Variants in NAV3 observed in about 807,000 individuals in gnomAD.
The protein encoded by NAV3 is neuron navigator 3.
Under a neutral mutation model 244.7 loss-of-function variants are expected in NAV3, and 87 were observed. The ratio of observed to expected loss-of-function variants is 0.36; its 90% confidence interval spans 0.30 to 0.42. The LOEUF (loss-of-function observed/expected upper bound fraction) is 0.42. Ranked by LOEUF, NAV3 falls within the 20% of genes least tolerant of loss-of-function variation. The pLI is 1.00. For missense variants in NAV3, 2,663 were observed against 2,893.3 expected (o/e 0.92, Z 1.83); for synonymous variants, 1,126 against 1,042.2 (o/e 1.08, Z -1.55).
At chr12:77,995,069 C>A (rs1053251909) in intron 6 of NAV3, among the ~76,000 whole-genome samples, 198 bp downstream of exon 6, 2 of 151,812 alleles carry the variant, frequency 1.3e-5, no homozygotes, top group African/African-American at 4.8e-5. Context: ...GTTTTGGCAT[C>A]TTTTTTAGTT....
Position 77,888,983 on chromosome 12 carries a change from A to G in NAV3, c.244-51336A>G, listed in dbSNP as rs372933221. ...AATTGAGTGTTTTAATCTCAGAATAACCTCAATGCCCTCCAAACCTGCATC... is the reference window on the plus strand; with the variant it reads ...AATTGAGTGTTTTAATCTCAGAATAGCCTCAATGCCCTCCAAACCTGCATC... On this transcript the variant is annotated intron_variant, in intron 1 of 39. Transcript: ENST00000397909. Among the ~76,000 whole-genome samples, 8 of 152,228 alleles carry G rather than the reference A, an allele frequency of 5.3e-5. No individual in the cohort carries two copies. In the South Asian group the frequency reaches 1.7e-3, roughly 32 times the overall value.
intron 3 of NAV3, among the ~76,000 whole-genome samples, chr12:77,963,160 C>T (rs763505849): frequency 2.6e-5 from 4 of 151,968 alleles, no homozygotes; most frequent in Admixed American, 6.6e-5. Context: ...AAAAAATTGA[C>T]ATTAAATATG....
chr12:77,951,737 C>T (rs1175879510), intron 3 of NAV3, among the ~76,000 whole-genome samples: 1 of 151,954 alleles, frequency 6.6e-6, no homozygotes, highest in East Asian at 1.9e-4. Flanking sequence ...TACTATGCAG[C>T]CATAAAAAAG....
chr12:77,903,433 C>G (rs10777555), intron 1 of NAV3, among the ~76,000 whole-genome samples: 73,176 of 152,060 alleles, frequency 0.48, 18,684 homozygotes, highest in East Asian at 0.65. Context: ...GGAAAACTGG[C>G]TAGCCATATG....
At chr12:77,898,605 C>T (rs1393309865) in intron 1 of NAV3, among the ~76,000 whole-genome samples, 1 of 152,138 alleles carries the variant, frequency 6.6e-6, no homozygotes, top group Non-Finnish European at 1.5e-5. Flanking sequence ...TAAACATAGG[C>T]CTCCTGACAT....
rs748672137 is a variant in NAV3, at chr12:78,133,250, G to A, written c.4442-3927G>A. ...GAGATCTTTATGCTGTATGGTTTCA[G>A]AGTGGAAAAAATGATTGATTCAAAA... On this transcript the variant is annotated intron_variant, in intron 18 of 39. Coordinates refer to ENST00000397909, the MANE Select transcript of NAV3 (RefSeq NM_001024383.2). Among the ~76,000 whole-genome samples, 7 of 152,026 alleles carry A rather than the reference G, an allele frequency of 4.6e-5. No homozygotes were observed. The South Asian group carries it at 8.3e-4, about 18-fold the overall frequency.
intron 2 of NAV3, among the ~76,000 whole-genome samples, chr12:77,825,841 A>G (rs1011038263): frequency 6.6e-6 from 1 of 152,210 alleles, no homozygotes; most frequent in Non-Finnish European, 1.5e-5. Flanking sequence ...AAACTCAGTA[A>G]TAATGAGACA....
At chr12:77,768,775 A>T (rs888458402) in intron 2 of NAV3, among the ~76,000 whole-genome samples, 1 of 152,230 alleles carries the variant, frequency 6.6e-6, no homozygotes, top group Admixed American at 6.5e-5. Flanking sequence ...AGAATGAGGT[A>T]GGCAGGGCTC....
intron 1 of NAV3, among the ~76,000 whole-genome samples, chr12:77,910,956 A>G (rs1886522812): frequency 6.6e-6 from 1 of 152,164 alleles, no homozygotes; most frequent in Non-Finnish European, 1.5e-5. Context: ...ACAAACAACA[A>G]TGGACATGCA....
chr12:77,760,991 T>C (rs1277239766), intron 2 of NAV3, among the ~76,000 whole-genome samples: 2 of 152,208 alleles, frequency 1.3e-5, no homozygotes, highest in Non-Finnish European at 2.9e-5. Flanking sequence ...AATTCCACTG[T>C]CTCTCACTGA....
chr12:77,804,334 A>T lies in NAV3; in HGVS notation c.73-135985A>T, dbSNP rs149322045. On this transcript the variant is annotated intron_variant, in intron 2 of 8. Coordinates refer to the NAV3 transcript ENST00000550042. ...TTGAGTTAATTTTGTATAAGGTGTA[A>T]GTTTATATATTTGTATAAGGTGTAT... Among the ~76,000 whole-genome samples, 155 of 152,228 alleles carry T rather than the reference A, an allele frequency of 1.0e-3. 1 individual carries two copies. The highest frequency in any genetic ancestry group is 2.8e-4 in the Non-Finnish European group (19 of 68,010).
At chr12:77,613,780 C>A (rs1266885460) in intron 2 of NAV3, among the ~76,000 whole-genome samples, 1 of 152,124 alleles carries the variant, frequency 6.6e-6, no homozygotes, top group East Asian at 1.9e-4. Context: ...AGTTTTGTAA[C>A]TTCCCTTTGG....
chr12:77,971,205 A>G (rs1469934788), intron 5 of NAV3, among the ~76,000 whole-genome samples: 1 of 152,082 alleles, frequency 6.6e-6, no homozygotes, highest in East Asian at 1.9e-4. Context: ...TTACAAGTTT[A>G]TGAAAAGTAT....
chr12:78,144,699 G>A (rs1956778797), intron 20 of NAV3, among the ~76,000 whole-genome samples: 1 of 151,570 alleles, frequency 6.6e-6, no homozygotes, highest in Admixed American at 6.6e-5. Flanking sequence ...TATATTTCTT[G>A]ATTATTTTTT....
chr12:77,611,460 T>C lies in NAV3; in HGVS notation c.72+39194T>C, dbSNP rs573323928. Among the ~76,000 whole-genome samples, 5 of 152,050 alleles carry C rather than the reference T, an allele frequency of 3.3e-5. No homozygotes were observed. In the South Asian group the frequency reaches 1.0e-3, roughly 32 times the overall value. On this transcript the variant is annotated intron_variant, in intron 2 of 8. Coordinates refer to the NAV3 transcript ENST00000550042. ...ACTAGCTATTTTTTCTCCTATAAAATATTTTCTTAAAATATTTTAAAACCA... is the reference window on the plus strand; with the variant it reads ...ACTAGCTATTTTTTCTCCTATAAAACATTTTCTTAAAATATTTTAAAACCA...
chr12:77,591,534 A>G (rs1161014418), intron 2 of NAV3, among the ~76,000 whole-genome samples: 1 of 152,190 alleles, frequency 6.6e-6, no homozygotes, highest in Admixed American at 6.5e-5. Flanking sequence ...AGAATAACTG[A>G]TTTCTTGAGT....
chr12:77,877,174 A>G (rs1881960084), intron 1 of NAV3, among the ~76,000 whole-genome samples: 1 of 152,170 alleles, frequency 6.6e-6, no homozygotes, highest in African/African-American at 2.4e-5. Flanking sequence ...AAAAAGTTCA[A>G]AAATTCCATA....
chr12:78,184,291 G>A (rs1958619744), intron 30 of NAV3, among the ~76,000 whole-genome samples: 1 of 151,744 alleles, frequency 6.6e-6, no homozygotes, highest in South Asian at 2.1e-4. Flanking sequence ...AAGTACTAAA[G>A]TAATTTGATC....
At chr12:78,174,030 T>A (rs964774348) in intron 24 of NAV3, among the ~76,000 whole-genome samples, 1 of 151,746 alleles carries the variant, frequency 6.6e-6, no homozygotes, top group Non-Finnish European at 1.5e-5. Context: ...TGGTATTAGT[T>A]TTTTGGAAAC....
Sources: gnomAD v4.1 joint callset for allele counts (sites outside exome capture counted in the v4.1 genomes callset) on GRCh38, gnomAD v4.1.1 for gene constraint, MANE v1.5 for transcripts, NCBI Gene and HGNC (gene_info 2026-07-23, HGNC 2026-07-21) for gene names.